EXD2: variants seen among roughly 807,000 people sequenced by gnomAD.
The protein encoded by EXD2 is exonuclease 3'-5' domain containing 2, also known as exonuclease 3'-5' domain-containing protein 2.
EXD2 carries 40 observed loss-of-function variants against 62.5 expected under a neutral mutation model. That is an observed-to-expected ratio of 0.64 (90% CI 0.50 to 0.83). The LOEUF (loss-of-function observed/expected upper bound fraction) is 0.83. Among genes scored for constraint, EXD2 ranks in the 40% least tolerant of loss-of-function variants. The probability of loss-of-function intolerance (pLI) is 0.00; values close to 1 mark genes in which losing one functional copy is unlikely to be tolerated. For synonymous variants in EXD2, 239 were observed against 291.9 expected, an observed-to-expected ratio of 0.82 and a Z score of 1.85; for missense variants, 671 against 761.8, an observed-to-expected ratio of 0.88 and a Z score of 1.40.
intron 1 of EXD2, among the ~76,000 whole-genome samples, chr14:69,203,239 ATT>A (rs35897888): frequency 6.9e-6 from 1 of 144,738 alleles, no homozygotes; most frequent in African/African-American, 2.6e-5. Context: ...GTTTTTTGTA[ATT>A]TTTTTTTTTT....
Position 69,236,036 on chromosome 14 carries a change from T to C in EXD2, c.1050-10T>C, listed in dbSNP as rs1320844452. 1 of 1,608,180 alleles carries C rather than the reference T, an allele frequency of 6.2e-7. No individual in the cohort carries two copies. Among genetic ancestry groups the C allele is most frequent in the African/African-American group, 1.3e-5 (1 of 74,790 alleles). On this transcript the variant is annotated splice_polypyrimidine_tract_variant and intron_variant, in intron 6 of 9. Coordinates refer to ENST00000685843, the MANE Select transcript of EXD2 (RefSeq NM_001193360.2). ...TTCCGGTTTGAGATTTCTCTTTCCT[T>C]TCCCTGCAGAAAATCACCTCTTTAT...
At chr14:69,223,566 T>C (rs556923791) in intron 3 of EXD2, among the ~76,000 whole-genome samples, 17 of 152,342 alleles carry the variant, frequency 1.1e-4, no homozygotes, top group African/African-American at 3.8e-4. Flanking sequence ...CAAAGAGGTA[T>C]AGGTTTCTTT....
chr14:69,196,935 A>G (rs1260755866), intron 1 of EXD2, among the ~76,000 whole-genome samples: 1 of 151,942 alleles, frequency 6.6e-6, no homozygotes, highest in Non-Finnish European at 1.5e-5. Flanking sequence ...TGTTTTTTTG[A>G]ATAGAACCAT....
intron 1 of EXD2, among the ~76,000 whole-genome samples, chr14:69,198,277 GT>G (rs1486930244): frequency 6.6e-6 from 1 of 152,180 alleles, no homozygotes; most frequent in African/African-American, 2.4e-5. Context: ...TGACTTTGTT[GT>G]TTTTCCAGGT....
chr14:69,203,438 G>A (rs917036722), intron 1 of EXD2, among the ~76,000 whole-genome samples: 3 of 152,094 alleles, frequency 2.0e-5, no homozygotes, highest in Non-Finnish European at 4.4e-5. Flanking sequence ...ACTTGGGTCT[G>A]TGCAGAAGGC....
intron 3 of EXD2, among the ~76,000 whole-genome samples, chr14:69,213,084 C>CTTTTT (rs71102636): frequency 3.9e-5 from 5 of 126,604 alleles, no homozygotes; most frequent in Non-Finnish European, 4.9e-5. Flanking sequence ...TTCTTCTTTT[C>CTTTTT]TTTTTTTTTT....
chr14:69,219,251 T>C (rs923768386), intron 3 of EXD2, among the ~76,000 whole-genome samples: 2 of 152,222 alleles, frequency 1.3e-5, no homozygotes, highest in African/African-American at 4.8e-5. Context: ...TTCCTAGGTA[T>C]TTTATTCTCT....
intron 1 of EXD2, among the ~76,000 whole-genome samples, chr14:69,201,786 G>A (rs2042414922): frequency 6.9e-6 from 1 of 144,862 alleles, no homozygotes; most frequent in Non-Finnish European, 1.5e-5. Context: ...GGGTTCAAGC[G>A]ATTCTTCTGC....
rs1262950368 is a variant in EXD2, at chr14:69,206,465, T to C, written c.-48+2465T>C. On this transcript the variant is annotated intron_variant, in intron 2 of 9. Coordinates refer to ENST00000685843, the MANE Select transcript of EXD2 (RefSeq NM_001193360.2). ...TCTCCCACCCACCCACTTTTTTTTT[T>C]TTTTTTTTTTTTTTTTTTTTTGAGA... Among the ~76,000 whole-genome samples, 408 of 55,350 alleles carry C rather than the reference T, an allele frequency of 7.4e-3. 51 individuals are homozygous for C. The East Asian group carries it at 0.28, about 38-fold the overall frequency. 36.3% of individuals were successfully genotyped at this position (55,350 alleles called of 152,430 possible).
At chr14:69,213,787 C>G (rs1264577626) in intron 3 of EXD2, 2 of 152,122 alleles carry the variant, frequency 1.3e-5, no homozygotes, top group African/African-American at 4.8e-5. Context: ...CCTCAGCCTC[C>G]TGAGTAGCTG....
In EXD2 at chr14:69,220,592, C is replaced by T. The variant is rs1292155484; in HGVS notation, c.334-8224C>T. 4.2e-5 allele frequency among the ~76,000 whole-genome samples: 6 copies of T among 144,318 alleles called. No homozygotes were observed. In the South Asian group the frequency reaches 7.2e-4, roughly 17 times the overall value. 94.7% of individuals were successfully genotyped at this position (144,318 alleles called of 152,430 possible). A position where few individuals can be genotyped will look rare whatever the true frequency, so the allele number is the denominator to read the frequency against. Reference sequence around the variant, plus strand: ...TTTTTTTAAAGAGACAGAGTTGGGCCGGGTGCAGTGGCTCACTCCGGTAAT... The same window carrying T: ...TTTTTTTAAAGAGACAGAGTTGGGCTGGGTGCAGTGGCTCACTCCGGTAAT... On this transcript the variant is annotated intron_variant, in intron 3 of 9. Coordinates refer to ENST00000685843, the MANE Select transcript of EXD2 (RefSeq NM_001193360.2).
intron 7 of EXD2, 61 bp downstream of exon 7, chr14:69,236,213 G>T (rs1490805679): frequency 1.3e-6 from 2 of 1,532,196 alleles, no homozygotes. Context: ...TGGCAGGAGT[G>T]GGGAGTGAGA....
chr14:69,220,126 A>G (rs2043118137), intron 3 of EXD2, among the ~76,000 whole-genome samples: 1 of 151,842 alleles, frequency 6.6e-6, no homozygotes. Context: ...GTGTTGAAAT[A>G]CATTGATTTT....
intron 3 of EXD2, among the ~76,000 whole-genome samples, chr14:69,223,203 G>T (rs1325187090): frequency 6.6e-6 from 1 of 152,068 alleles, no homozygotes; most frequent in African/African-American, 2.4e-5. Flanking sequence ...TAATTGTATG[G>T]CTTTAAATAC....
intron 3 of EXD2, among the ~76,000 whole-genome samples, chr14:69,215,463 G>T: frequency 6.6e-6 from 1 of 152,132 alleles, no homozygotes; most frequent in Non-Finnish European, 1.5e-5. Flanking sequence ...GCACATGCAC[G>T]CACAATTTTA....
chr14:69,193,671 T>C (rs1566811179), intron 1 of EXD2, among the ~76,000 whole-genome samples: 1 of 152,254 alleles, frequency 6.6e-6, no homozygotes, highest in Non-Finnish European at 1.5e-5. Context: ...GTCTTTTAAC[T>C]ATATGGCATC....
Position 69,209,482 on chromosome 14 carries a change from G to GA in EXD2, c.14dup (p.Asn5LysfsTer31). On this transcript the variant is annotated frameshift_variant, in exon 3 of 10. Coordinates refer to ENST00000685843, the MANE Select transcript of EXD2 (RefSeq NM_001193360.2). LOFTEE classifies it high-confidence loss of function. ...TAGAAAAGTCGAAGATGTCTAGACA[G>GA]AACTTAGTGGCTTTGACAGTGACTA... is the stretch of plus-strand genomic sequence containing the variant. 3 of 1,536,876 alleles carry GA rather than the reference G, an allele frequency of 2.0e-6. No homozygotes were observed. The highest frequency in any genetic ancestry group is 1.8e-6 in the Non-Finnish European group (2 of 1,140,248).
chr14:69,229,001 C>T lies in EXD2; in HGVS notation c.519C>T (p.Ser173=). The change falls in exon 4 of 10, where the codon AGC becomes AGT. Residue 173 remains serine (S), a synonymous_variant. Transcript: ENST00000685843. ...KVGVGCSEDA[S]KLLQDYGLVV... ...GAGTGGGATGCTCAGAAGATGCCAGCAAGCTTCTGCAGGATTATGGCCTCG... is the reference window on the plus strand; with the variant it reads ...GAGTGGGATGCTCAGAAGATGCCAGTAAGCTTCTGCAGGATTATGGCCTCG... The T allele has an allele frequency of 1.2e-6, 2 of 1,614,216 alleles. No homozygotes were observed. Among genetic ancestry groups the T allele is most frequent in the Non-Finnish European group, 1.7e-6 (2 of 1,180,042 alleles).
chr14:69,196,063 G>A (rs1249687080), intron 1 of EXD2: 1 of 152,204 alleles, frequency 6.6e-6, no homozygotes, highest in African/African-American at 2.4e-5. Context: ...GTTCCTGGTG[G>A]TTGTTGGCAA....
Sources: allele counts gnomAD v4.1 joint callset (sites outside exome capture counted in the v4.1 genomes callset), GRCh38; gene constraint gnomAD v4.1.1; transcripts MANE v1.5; gene names NCBI Gene and HGNC (gene_info 2026-07-23, HGNC 2026-07-21).